Variants in LPCAT4 observed in about 807,000 individuals in gnomAD.
LPCAT4 encodes lysophosphatidylcholine acyltransferase 4, also known as lysophospholipid acyltransferase LPCAT4.
Under a neutral mutation model 66.5 loss-of-function variants are expected in LPCAT4, and 30 were observed. That is an observed-to-expected ratio of 0.45 (90% CI 0.34 to 0.61). LPCAT4 has a LOEUF of 0.61. Among genes scored for constraint, LPCAT4 ranks in the 20% least tolerant of loss-of-function variants. The probability of loss-of-function intolerance (pLI) is 0.01; values close to 1 mark genes in which losing one functional copy is unlikely to be tolerated. For missense variants in LPCAT4, 557 were observed against 656.7 expected, an observed-to-expected ratio of 0.85 and a Z score of 1.66; for synonymous variants, 253 against 262.1, an observed-to-expected ratio of 0.97 and a Z score of 0.34.
rs1412499318 is a variant in LPCAT4 at position 34,359,596 on chromosome 15, G to A, written c.1392C>T (p.Leu464=). 6.2e-7 allele frequency: 1 copy of A among 1,612,026 alleles called. No individual in the cohort carries two copies. Residue 464 remains leucine, a synonymous_variant, in exon 13 of 14, where the codon CTC becomes CTT. Transcript: ENST00000314891. The stretch of plus-strand genomic sequence containing the variant: ...GAGAAGGCAGTGACTCACAGAGGGA[G>A]AGGCCTTGGCTGGATCCTGCCTGGC... ...ELCQAGSSQG[L]SLCQFQNFSL...
intron 2 of LPCAT4, 161 bp from the exon 3 acceptor site, chr15:34,365,389 T>C: frequency 8.7e-7 from 1 of 1,143,184 alleles, no homozygotes; most frequent in Non-Finnish European, 1.2e-6. Context: ...TCAGGGCACA[T>C]TACTTAGAGG....
intron 3 of LPCAT4, chr15:34,364,744 G>A (rs1039564102): frequency 1.2e-4 from 54 of 438,482 alleles, no homozygotes; most frequent in African/African-American, 8.2e-4. Flanking sequence ...GCGAGCCACC[G>A]TGCCTGGCCT....
intron 12 of LPCAT4, 71 bp downstream of exon 12, chr15:34,360,040 C>T: frequency 7.7e-7 from 1 of 1,296,030 alleles, no homozygotes; most frequent in Non-Finnish European, 1.1e-6. Flanking sequence ...AAACAGCATA[C>T]CAAAATAGGC....
intron 12 of LPCAT4, 64 bp from the exon 13 acceptor site, chr15:34,359,809 A>C (rs1890899307): frequency 6.6e-7 from 1 of 1,511,052 alleles, no homozygotes; most frequent in African/African-American, 1.4e-5. Flanking sequence ...CCTGCCCCAC[A>C]GACTGGCCTG....
chr15:34,359,398 ACT>A lies in LPCAT4; in HGVS notation c.1400-98_1400-97del, dbSNP rs1890887068. ...CAGAACTAAAACACCTTGTGCCTCTACTCTGTTTAACTTCTCAAATCCAGGTT... is the reference window on the plus strand; with the variant it reads ...CAGAACTAAAACACCTTGTGCCTCTACTGTTTAACTTCTCAAATCCAGGTT... On this transcript the variant is annotated intron_variant, in intron 13 of 13. Transcript: ENST00000314891. 3.0e-6 allele frequency: 4 copies of A among 1,337,540 alleles called. No individual in the cohort carries two copies. In the South Asian group the frequency reaches 6.2e-5, roughly 21 times the overall value. The allele number at this position is 1,337,540 out of a possible 1,614,324, so 82.9% of individuals were successfully genotyped here. A position where few individuals can be genotyped will look rare whatever the true frequency, so the allele number is the denominator to read the frequency against.
intron 3 of LPCAT4, 170 bp downstream of exon 3, chr15:34,364,838 G>T: frequency 1.6e-6 from 1 of 617,782 alleles, no homozygotes; most frequent in Non-Finnish European, 2.9e-6. Context: ...CCTTCTCTCT[G>T]TCCCAGCCCT....
chr15:34,364,156 A>C, intron 4 of LPCAT4, 38 bp downstream of exon 4: 2 of 1,593,598 alleles, frequency 1.3e-6, no homozygotes, highest in Non-Finnish European at 1.7e-6. Flanking sequence ...TCAGGAGCAC[A>C]TGGAAAGTGA....
intron 11 of LPCAT4, 81 bp downstream of exon 11, chr15:34,361,319 G>A (rs1890936414): frequency 6.3e-7 from 1 of 1,582,836 alleles, no homozygotes; most frequent in Non-Finnish European, 8.6e-7. Context: ...CAAACTGTGA[G>A]TGACTGATAC....
rs904722765 is a variant in LPCAT4, at chr15:34,366,923, G to T, written c.114+64C>A. 2.6e-6 allele frequency: 4 copies of T among 1,529,504 alleles called. No individual in the cohort carries two copies. In the African/African-American group the frequency reaches 4.2e-5, roughly 16 times the overall value. The allele number at this position is 1,529,504 out of a possible 1,614,324, so 94.7% of individuals were successfully genotyped here. A position where few individuals can be genotyped will look rare whatever the true frequency, so the allele number is the denominator to read the frequency against. On this transcript the variant is annotated intron_variant, in intron 1 of 13. Transcript: ENST00000314891. ...GGATCCCCAAGCCCACCTTTGCCAGGGCTCAAATGGCCCCATTTTCCTATC... is the reference window on the plus strand; with the variant it reads ...GGATCCCCAAGCCCACCTTTGCCAGTGCTCAAATGGCCCCATTTTCCTATC...
intron 3 of LPCAT4, 28 bp from the exon 4 acceptor site, chr15:34,364,334 A>C: frequency 6.9e-7 from 1 of 1,457,148 alleles, no homozygotes; most frequent in Non-Finnish European, 9.6e-7. Context: ...ACAAAGAGGA[A>C]TCACTTCTTT....
chr15:34,363,409 T>C lies in LPCAT4; in HGVS notation c.746+13A>G, dbSNP rs1351644361. ...TGCTCCCCACCCTCACCCCCAGGAA[T>C]ACCAGAACTCACACTCCAGGACCCC... On this transcript the variant is annotated intron_variant, in intron 7 of 13. Coordinates refer to ENST00000314891, the MANE Select transcript of LPCAT4 (RefSeq NM_153613.3). This position sits in a 1 kb window ranked among gnomAD's most constrained non-coding sequence, Gnocchi z 4.3. The C allele has an allele frequency of 2.5e-6, 4 of 1,613,266 alleles. No homozygotes were observed. In the African/African-American group the frequency reaches 4.0e-5, roughly 16 times the overall value.
Position 34,362,776 on chromosome 15 carries a change from C to T in LPCAT4, c.801+6G>A. 6.2e-7 allele frequency: 1 copy of T among 1,614,108 alleles called. No individual in the cohort carries two copies. The highest frequency in any genetic ancestry group is 8.5e-7 in the Non-Finnish European group (1 of 1,179,950). On this transcript the variant is annotated splice_donor_region_variant and intron_variant, in intron 8 of 13. Coordinates refer to ENST00000314891, the MANE Select transcript of LPCAT4 (RefSeq NM_153613.3). Reference sequence around the variant, plus strand: ...ACTTCTCCCACCGCCCCCACGGGAGCCATACCTCCACATCCACAATGCTGC... The same window carrying T: ...ACTTCTCCCACCGCCCCCACGGGAGTCATACCTCCACATCCACAATGCTGC...
At chr15:34,366,229 G>T (rs1331519370) in intron 1 of LPCAT4, among the ~76,000 whole-genome samples, 1 of 152,208 alleles carries the variant, frequency 6.6e-6, no homozygotes, top group African/African-American at 2.4e-5. Flanking sequence ...AGTACCGGGG[G>T]ATATGGGAGA....
rs1320809039 is a variant in LPCAT4 at position 34,362,838 on chromosome 15, TAAGAG to T, written c.747-7_747-3del. 1 of 1,613,996 alleles carries T rather than the reference TAAGAG, an allele frequency of 6.2e-7. No individual in the cohort carries two copies. The highest frequency in any genetic ancestry group is 1.3e-5 in the African/African-American group (1 of 74,910). On this transcript the variant is annotated splice_region_variant and splice_polypyrimidine_tract_variant and intron_variant, in intron 7 of 13. Coordinates refer to ENST00000314891, the MANE Select transcript of LPCAT4 (RefSeq NM_153613.3). ...GCTGTGAGCCAGAGGACTTTGAGTC[TAAGAG>T]AAGAGAGATTTCGATACTCACCAAT...
intron 1 of LPCAT4, among the ~76,000 whole-genome samples, chr15:34,366,174 T>G (rs1226794829): frequency 2.0e-5 from 3 of 152,186 alleles, no homozygotes; most frequent in Non-Finnish European, 2.9e-5. Flanking sequence ...GGTCCAGTTT[T>G]CAGACCCGAG....
rs1186940042 is a variant in LPCAT4 at position 34,365,102 on chromosome 15, T to C, written c.384A>G (p.Pro128=). The C allele has an allele frequency of 6.2e-7, 1 of 1,614,046 alleles. No homozygotes were observed. The highest frequency in any genetic ancestry group is 1.7e-5 in the Admixed American group (1 of 60,020). The change falls in exon 3 of 14, where the codon CCA becomes CCG. Residue 128 remains proline (P), a synonymous_variant. Coordinates refer to ENST00000314891, the MANE Select transcript of LPCAT4 (RefSeq NM_153613.3). ...CAATGGGGTCAAAGAAAGTGGAGTG[T>C]GGGGCAGCAACAAGGACAGGGGCTT... ...RLQAPVLVAA[P]HSTFFDPIVL...
At chr15:34,362,485 C>A (rs781519473) in intron 9 of LPCAT4, 88 bp downstream of exon 9, 220 of 1,430,384 alleles carry the variant, frequency 1.5e-4, no homozygotes, top group Non-Finnish European at 2.0e-4. Context: ...GCTCCTCGAT[C>A]TTTGCCTGAA....
At chr15:34,366,959 C>T (rs780293669) in intron 1 of LPCAT4, 28 bp downstream of exon 1, 30 of 1,542,348 alleles carry the variant, frequency 1.9e-5, no homozygotes, top group Non-Finnish European at 2.5e-5. Flanking sequence ...CTCACGGGTC[C>T]TTCCGACGCC....
At chr15:34,364,385 A>C in intron 3 of LPCAT4, 79 bp from the exon 4 acceptor site, 2 of 795,172 alleles carry the variant, frequency 2.5e-6, no homozygotes, top group Non-Finnish European at 4.2e-6. Context: ...CCACTTCCTC[A>C]ACAGCATGAG....
Sources: allele counts gnomAD v4.1 joint callset (sites outside exome capture counted in the v4.1 genomes callset), GRCh38; gene constraint gnomAD v4.1.1; non-coding constraint Gnocchi (gnomAD v3.1); transcripts MANE v1.5; gene names NCBI Gene and HGNC (gene_info 2026-07-23, HGNC 2026-07-21).